FER: variants seen among roughly 807,000 people sequenced by gnomAD.
The protein encoded by FER is tyrosine-protein kinase Fer.
FER carries 63 observed loss-of-function variants against 111.0 expected under a neutral mutation model. The observed-to-expected ratio is 0.57, with a 90% CI of 0.46 to 0.70. The LOEUF is 0.70. Ranked by LOEUF, FER falls within the 30% of genes least tolerant of loss-of-function variation. FER has a pLI of 0.00. For missense variants in FER, 914 were observed against 954.0 expected (o/e 0.96, Z 0.55); for synonymous variants, 327 against 313.9 (o/e 1.04, Z -0.44).
intron 13 of FER, among the ~76,000 whole-genome samples, chr5:109,007,264 A>G (rs1373578985): frequency 6.6e-6 from 1 of 152,196 alleles, no homozygotes; most frequent in African/African-American, 2.4e-5. Flanking sequence ...CAGTCTTTAC[A>G]GTGTCCTTTC....
chr5:108,954,623 A>T, intron 11 of FER, 106 bp from the exon 12 acceptor site: 4 of 855,042 alleles, frequency 4.7e-6, no homozygotes, highest in Non-Finnish European at 6.8e-6. Flanking sequence ...TTGGTCAATT[A>T]AAGGGAGGAA....
chr5:108,840,748 G>A (rs1241953476), intron 5 of FER, among the ~76,000 whole-genome samples: 1 of 152,118 alleles, frequency 6.6e-6, no homozygotes, highest in African/African-American at 2.4e-5. Context: ...ATCCTACCAG[G>A]AGGCACATAA....
intron 16 of FER, among the ~76,000 whole-genome samples, chr5:109,058,134 A>G (rs1199594439): frequency 6.6e-6 from 1 of 152,134 alleles, no homozygotes; most frequent in Non-Finnish European, 1.5e-5. Context: ...AGAAAAAAAC[A>G]TTTGGCAAAA....
At position 109,092,184 on chromosome 5, in the gene FER, TTTGA is replaced by T. The variant is rs1382691312; in HGVS notation, c.1925-8208_1925-8205del. ...AAACTGCTAGAAGAAAACATGGATA[TTTGA>T]TTGGACAATGATATTTGGATATGAC... is the stretch of plus-strand genomic sequence containing the variant. On this transcript the variant is annotated intron_variant, in intron 16 of 19. Transcript: ENST00000281092. Among the ~76,000 whole-genome samples, 3 of 150,156 alleles carry T rather than the reference TTTGA, an allele frequency of 2.0e-5. No individual in the cohort carries two copies. In the East Asian group the frequency reaches 5.9e-4, roughly 30 times the overall value.
chr5:108,790,783 C>A (rs1755276771), intron 2 of FER, among the ~76,000 whole-genome samples: 1 of 152,184 alleles, frequency 6.6e-6, no homozygotes, highest in African/African-American at 2.4e-5. Flanking sequence ...AAAAGGAAAT[C>A]CAGCACCCAC....
chr5:109,091,749 G>T (rs1289583650), intron 16 of FER, among the ~76,000 whole-genome samples: 1 of 152,136 alleles, frequency 6.6e-6, no homozygotes, highest in Non-Finnish European at 1.5e-5. Context: ...ACTTTCAGGG[G>T]CCAGGAGACA....
rs1283606060 is a variant in FER, at chr5:109,131,651, CT to C, written c.2048+31136del. Among the ~76,000 whole-genome samples the C allele has an allele frequency of 9.4e-4, 143 of 152,136 alleles. 1 individual carries two copies. The highest frequency in any genetic ancestry group is 1.3e-4 in the Non-Finnish European group (9 of 67,968). On this transcript the variant is annotated intron_variant, in intron 17 of 19. Coordinates refer to ENST00000281092, the MANE Select transcript of FER (RefSeq NM_005246.4). ...TTTATTTTTTGGGTGTGTGAGATAT[CT>C]TTTCCCCACATAACTGATGTTATAA...
intron 17 of FER, among the ~76,000 whole-genome samples, chr5:109,102,293 G>C (rs1427272418): frequency 1.3e-5 from 2 of 152,062 alleles, no homozygotes; most frequent in African/African-American, 4.8e-5. Context: ...AGCAGGTTGT[G>C]CATAGACCTA....
At chr5:108,808,135 C>T (rs1227286636) in intron 3 of FER, among the ~76,000 whole-genome samples, 1 of 151,754 alleles carries the variant, frequency 6.6e-6, no homozygotes, top group Non-Finnish European at 1.5e-5. Flanking sequence ...CTATTAGATC[C>T]AGTTGGTCAA....
At chr5:108,780,119 A>G (rs1447146638) in intron 2 of FER, among the ~76,000 whole-genome samples, 1 of 152,206 alleles carries the variant, frequency 6.6e-6, no homozygotes, top group Non-Finnish European at 1.5e-5. Flanking sequence ...ACAGATGCTT[A>G]TGTGTTAGAT....
At chr5:108,844,660 A>G (rs1219857910) in intron 5 of FER, among the ~76,000 whole-genome samples, 4 of 151,978 alleles carry the variant, frequency 2.6e-5, no homozygotes, top group Non-Finnish European at 5.9e-5. Context: ...CCTCTCTGTG[A>G]TCTTCCGTCT....
intron 13 of FER, among the ~76,000 whole-genome samples, chr5:109,029,058 G>A (rs1194634134): frequency 6.6e-6 from 1 of 152,114 alleles, no homozygotes; most frequent in African/African-American, 2.4e-5. Flanking sequence ...GAACATTCTG[G>A]TAGTTTAGTT....
At position 108,894,215 on chromosome 5, in the gene FER, TA is replaced by T. The variant is rs369655082; in HGVS notation, c.1047-3438del. The T allele has an allele frequency of 9.3e-5, 24 of 258,632 alleles. No homozygotes were observed. In the East Asian group the frequency reaches 1.9e-3, roughly 20 times the overall value. The allele number at this position is 258,632 out of a possible 1,614,324, so 16.0% of individuals were successfully genotyped here. On this transcript the variant is annotated intron_variant, in intron 9 of 19. Coordinates refer to ENST00000281092, the MANE Select transcript of FER (RefSeq NM_005246.4). ...TTATTCCTCTCATCCACTCATCCCT[TA>T]AAAAACCCCACAAAACGATCATTAG...
chr5:109,008,547 T>A (rs888051274), intron 13 of FER, among the ~76,000 whole-genome samples: 14 of 152,222 alleles, frequency 9.2e-5, no homozygotes, highest in Non-Finnish European at 7.3e-5. Flanking sequence ...TTCTTCATTT[T>A]TCTCTAGTTA....
intron 17 of FER, among the ~76,000 whole-genome samples, chr5:109,159,855 C>T (rs951627867): frequency 6.6e-6 from 1 of 152,060 alleles, no homozygotes; most frequent in African/African-American, 2.4e-5. Context: ...TCTGTGGCAG[C>T]AGTAATCTAC....
chr5:109,124,070 CA>C (rs146801097), intron 17 of FER, among the ~76,000 whole-genome samples: 9 of 146,952 alleles, frequency 6.1e-5, no homozygotes, highest in Non-Finnish European at 7.5e-5. Context: ...ACAAAAAATA[CA>C]AAAAAAAAAT....
At chr5:109,177,196 C>A (rs1027377054) in intron 17 of FER, among the ~76,000 whole-genome samples, 13 of 152,082 alleles carry the variant, frequency 8.5e-5, no homozygotes, top group African/African-American at 2.9e-4. Context: ...TTGCAGCTAA[C>A]TATATAAATA....
At chr5:108,844,132 G>A (rs549166994) in intron 5 of FER, among the ~76,000 whole-genome samples, 5 of 151,696 alleles carry the variant, frequency 3.3e-5, no homozygotes, top group Non-Finnish European at 7.4e-5. Flanking sequence ...ATATATGTGT[G>A]TGAACATATA....
chr5:108,749,106 A>G (rs1356695558), intron 1 of FER: 1 of 152,288 alleles, frequency 6.6e-6, no homozygotes, highest in African/African-American at 2.4e-5. Context: ...GCCTGCCCGC[A>G]GAGGGGCGCC....
Sources: allele counts gnomAD v4.1 joint callset (sites outside exome capture counted in the v4.1 genomes callset), GRCh38; gene constraint gnomAD v4.1.1; transcripts MANE v1.5; gene names NCBI Gene and HGNC (gene_info 2026-07-23, HGNC 2026-07-21).